The following PTPN2 variants were observed in gnomAD, a reference collection of about 807,000 sequenced individuals.
The protein encoded by PTPN2 is tyrosine-protein phosphatase non-receptor type 2.
In PTPN2, 19 loss-of-function variants were observed where a neutral mutation model predicts 57.3. The ratio of observed to expected loss-of-function variants is 0.33; its 90% confidence interval spans 0.23 to 0.49. The LOEUF (loss-of-function observed/expected upper bound fraction) is 0.49. Ranked by LOEUF, PTPN2 falls within the 20% of genes least tolerant of loss-of-function variation. The probability of loss-of-function intolerance (pLI) is 0.99; values close to 1 mark genes in which losing one functional copy is unlikely to be tolerated. For missense variants in PTPN2, 358 were observed against 501.1 expected (o/e 0.71, Z 2.73); for synonymous variants, 153 against 164.9 (o/e 0.93, Z 0.55).
chr18:12,840,035 A>C (rs539659015), intron 2 of PTPN2, among the ~76,000 whole-genome samples: 1 of 152,310 alleles, frequency 6.6e-6, no homozygotes, highest in African/African-American at 2.4e-5. Context: ...AACAGAAAGG[A>C]GAATTTGTAT....
chr18:12,849,148 T>C (rs2043308159), intron 2 of PTPN2, among the ~76,000 whole-genome samples: 2 of 152,260 alleles, frequency 1.3e-5, no homozygotes, highest in Admixed American at 1.3e-4. Flanking sequence ...AGAAGTTCCC[T>C]TCTATTTCTA....
intron 1 of PTPN2, 199 bp downstream of exon 1, chr18:12,883,870 CTTTT>C (rs397959555): frequency 2.4e-3 from 949 of 388,170 alleles, no homozygotes; most frequent in South Asian, 3.7e-3. Context: ...CTCAAGTATG[CTTTT>C]TTTTTTTTTT....
At chr18:12,878,229 A>T (rs760717458) in intron 1 of PTPN2, among the ~76,000 whole-genome samples, 4 of 151,870 alleles carry the variant, frequency 2.6e-5, no homozygotes, top group Non-Finnish European at 5.9e-5. Context: ...AGGCAGGAGG[A>T]TGTCTAAAGC....
chr18:12,834,996 C>A (rs1344532626), intron 3 of PTPN2, among the ~76,000 whole-genome samples: 1 of 151,998 alleles, frequency 6.6e-6, no homozygotes, highest in African/African-American at 2.4e-5. Flanking sequence ...CCCTGTAGAA[C>A]CTGCAGATAC....
chr18:12,785,735 C>T (rs2040830345), exon 10 of PTPN2: 4 of 1,250,438 alleles, frequency 3.2e-6, no homozygotes, highest in Non-Finnish European at 4.7e-6. Flanking sequence ...GCGAGCCTCA[C>T]TTTAGTTTCC....
chr18:12,879,560 G>C (rs1254307877), intron 1 of PTPN2, among the ~76,000 whole-genome samples: 1 of 152,208 alleles, frequency 6.6e-6, no homozygotes, highest in African/African-American at 2.4e-5. Context: ...AAACTCTGAA[G>C]AAGTAATAAA....
Position 12,792,502 on chromosome 18 carries a change from C to T in PTPN2, c.*1776G>A, listed in dbSNP as rs2041014608. Reference sequence around the variant, plus strand: ...TTCACCATGTTGGCCAGGACAGTCTCCATCTCTTGACCTCGTGATCCGCCC... The same window carrying T: ...TTCACCATGTTGGCCAGGACAGTCTTCATCTCTTGACCTCGTGATCCGCCC... On this transcript the variant is annotated 3_prime_UTR_variant, in exon 9 of 9. Coordinates refer to ENST00000309660, the MANE Select transcript of PTPN2 (RefSeq NM_002828.4). 1 of 153,158 alleles carries T rather than the reference C, an allele frequency of 6.5e-6. No homozygotes were observed. The highest frequency in any genetic ancestry group is 2.1e-4 in the South Asian group (1 of 4,844). 9.5% of individuals were successfully genotyped at this position (153,158 alleles called of 1,614,324 possible).
At chr18:12,786,977 T>C (rs1042685962) in intron 9 of PTPN2, 3 of 152,250 alleles carry the variant, frequency 2.0e-5, no homozygotes, top group African/African-American at 7.2e-5. Flanking sequence ...GTACTTTGTA[T>C]TGATTCTGAG....
exon 10 of PTPN2, chr18:12,785,640 A>C (rs1437817268): frequency 1.8e-5 from 12 of 649,364 alleles, no homozygotes. Flanking sequence ...GGTTCTGCAA[A>C]GTCTTCTGCT....
chr18:12,793,357 TCTTA>T lies in PTPN2; in HGVS notation c.*917_*920del. ...AAATTATGAATCATAAAATGCTGCT[TCTTA>T]CTTTTGCTTCCTAAATCATAATCTA... On this transcript the variant is annotated 3_prime_UTR_variant, in exon 9 of 9. Coordinates refer to ENST00000309660, the MANE Select transcript of PTPN2 (RefSeq NM_002828.4). 1.0e-6 allele frequency: 1 copy of T among 978,038 alleles called. No homozygotes were observed. The allele number at this position is 978,038 out of a possible 1,614,324, so 60.6% of individuals were successfully genotyped here.
chr18:12,841,313 A>G, intron 2 of PTPN2, among the ~76,000 whole-genome samples: 1 of 152,242 alleles, frequency 6.6e-6, no homozygotes, highest in East Asian at 1.9e-4. Flanking sequence ...CCTGAAGGGC[A>G]CGTGGGCCGT....
At chr18:12,862,586 C>G (rs1211990786) in intron 1 of PTPN2, 1 of 11,948 alleles carries the variant, frequency 8.4e-5, no homozygotes, top group Non-Finnish European at 3.0e-3. Context: ...TAAGCAGAAA[C>G]CACTGGGTTG....
At chr18:12,850,166 G>A (rs1418473492) in intron 2 of PTPN2, among the ~76,000 whole-genome samples, 2 of 151,644 alleles carry the variant, frequency 1.3e-5, no homozygotes, top group Non-Finnish European at 2.9e-5. Context: ...CTCTAAATTA[G>A]GTTAGACAGC....
intron 7 of PTPN2, 74 bp downstream of exon 7, chr18:12,814,129 C>G: frequency 8.8e-7 from 1 of 1,136,042 alleles, no homozygotes; most frequent in Non-Finnish European, 1.3e-6. Flanking sequence ...GACAAGGGCT[C>G]AAGTGGAGTG....
At chr18:12,852,191 A>AACACACACACACAC (rs139964591) in intron 2 of PTPN2, among the ~76,000 whole-genome samples, 4,461 of 140,402 alleles carry the variant, frequency 0.032, 110 homozygotes, top group Admixed American at 0.057. Flanking sequence ...ATGGGTTTTT[A>AACACACACACACAC]ACACACACAC....
chr18:12,880,303 C>G (rs965275110), intron 1 of PTPN2, among the ~76,000 whole-genome samples: 10 of 152,156 alleles, frequency 6.6e-5, no homozygotes, highest in African/African-American at 2.2e-4. Context: ...GGAAATCAAG[C>G]AAGAGACACA....
At chr18:12,881,085 C>T (rs1033157150) in intron 1 of PTPN2, among the ~76,000 whole-genome samples, 3 of 152,180 alleles carry the variant, frequency 2.0e-5, no homozygotes, top group Non-Finnish European at 4.4e-5. Context: ...CCCTGTGCTG[C>T]GTGCCTACAC....
At chr18:12,829,136 G>A (rs922189177) in intron 4 of PTPN2, among the ~76,000 whole-genome samples, 10 of 152,098 alleles carry the variant, frequency 6.6e-5, no homozygotes, top group African/African-American at 1.9e-4. Flanking sequence ...GGGCTCAAGC[G>A]ATCCACCCAA....
chr18:12,810,305 A>G (rs1291660280), intron 7 of PTPN2, among the ~76,000 whole-genome samples: 3 of 152,118 alleles, frequency 2.0e-5, no homozygotes, highest in East Asian at 1.9e-4. Flanking sequence ...CGGAGGTTGC[A>G]GTGAGCCGAG....
Sources: gnomAD v4.1 joint callset for allele counts (sites outside exome capture counted in the v4.1 genomes callset) on GRCh38, gnomAD v4.1.1 for gene constraint, MANE v1.5 for transcripts, NCBI Gene and HGNC (gene_info 2026-07-23, HGNC 2026-07-21) for gene names.